The following PCNX2 variants were observed in gnomAD, a reference collection of about 807,000 sequenced individuals.
PCNX2 encodes the protein pecanex 2.
Under a neutral mutation model 223.8 loss-of-function variants are expected in PCNX2, and 168 were observed. The observed-to-expected ratio is 0.75, with a 90% CI of 0.66 to 0.85. PCNX2 has a LOEUF of 0.85. PCNX2 is among the 40% of genes least tolerant of loss of function. The pLI, the probability that PCNX2 is intolerant of heterozygous loss-of-function variation, is 0.00. For missense variants in PCNX2, 2,507 were observed against 2,675.5 expected (o/e 0.94, Z 1.39); for synonymous variants, 1,006 against 1,052.6 (o/e 0.96, Z 0.86).
intron 1 of PCNX2, among the ~76,000 whole-genome samples, chr1:233,275,800 G>A (rs1014687665): frequency 2.4e-4 from 36 of 151,976 alleles, no homozygotes; most frequent in African/African-American, 6.5e-4. Flanking sequence ...GTGAGGCCGA[G>A]GTGGGCGGAT....
At chr1:233,321,866 A>C in the PCNX2 span, among the ~76,000 whole-genome samples, 1 of 152,208 alleles carries the variant, frequency 6.6e-6, no homozygotes, top group Non-Finnish European at 1.5e-5. Context: ...TCATCAGTGC[A>C]AATGTCAACA....
At position 233,258,767 on chromosome 1, in the gene PCNX2, T is replaced by G. The variant is rs369108992; in HGVS notation, c.1095A>C (p.Gly365=). Reference sequence around the variant, plus strand: ...TGGGCTCATGTAGACTCAGTGGGTCTCCGGGTTGAGAAGTATCGATGAGAG... The same window carrying G: ...TGGGCTCATGTAGACTCAGTGGGTCGCCGGGTTGAGAAGTATCGATGAGAG... ...AVTLIDTSQP[G]DPLSLHEPIK... Residue 365 remains glycine (G), a synonymous_variant, in exon 5 of 34, where the codon GGA becomes GGC. Transcript: ENST00000258229. 1.2e-6 allele frequency: 2 copies of G among 1,613,870 alleles called. No homozygotes were observed. Among genetic ancestry groups the G allele is most frequent in the Admixed American group, 1.7e-5 (1 of 60,010 alleles).
chr1:233,163,079 C>T (rs1289240524), intron 17 of PCNX2, among the ~76,000 whole-genome samples: 1 of 152,136 alleles, frequency 6.6e-6, no homozygotes, highest in Non-Finnish European at 1.5e-5. Flanking sequence ...CAGACCATTA[C>T]ACAGCCTTTC....
At chr1:233,185,185 T>G (rs1680024708) in intron 15 of PCNX2, among the ~76,000 whole-genome samples, 1 of 151,748 alleles carries the variant, frequency 6.6e-6, no homozygotes, top group South Asian at 2.1e-4. Context: ...AGAGATTACT[T>G]GATTATCAAC....
intron 23 of PCNX2, among the ~76,000 whole-genome samples, chr1:233,066,982 C>G (rs1370820110): frequency 1.3e-5 from 2 of 152,012 alleles, no homozygotes; most frequent in African/African-American, 4.8e-5. Flanking sequence ...CAAGCAATAA[C>G]AAGAAACTTT....
At chr1:233,247,317 C>T (rs1341219555) in intron 8 of PCNX2, among the ~76,000 whole-genome samples, 1 of 152,226 alleles carries the variant, frequency 6.6e-6, no homozygotes, top group Non-Finnish European at 1.5e-5. Context: ...AATGCCACAA[C>T]ACCACATAAC....
At chr1:233,256,239 G>T (rs1286122330) in intron 5 of PCNX2, among the ~76,000 whole-genome samples, 2 of 152,160 alleles carry the variant, frequency 1.3e-5, no homozygotes, top group Admixed American at 6.6e-5. Flanking sequence ...CATACAGCCT[G>T]AGGGGAAAAC....
intron 14 of PCNX2, 53 bp from the exon 15 acceptor site, chr1:233,199,083 A>G: frequency 6.7e-7 from 1 of 1,484,206 alleles, no homozygotes; most frequent in Admixed American, 2.1e-5. Context: ...CTTAAAATCA[A>G]CAAATGTAAA....
At chr1:233,122,739 T>TCTTGAA (rs1267867644) in intron 21 of PCNX2, among the ~76,000 whole-genome samples, 23 of 152,190 alleles carry the variant, frequency 1.5e-4, no homozygotes, top group African/African-American at 4.6e-4. Flanking sequence ...GTCAGACCGG[T>TCTTGAA]CTTGAACTCC....
intron 7 of PCNX2, among the ~76,000 whole-genome samples, chr1:233,252,095 GTT>G (rs1659485952): frequency 6.6e-6 from 1 of 152,238 alleles, no homozygotes. Context: ...AGTCTGGGGA[GTT>G]CAGGAGAGGT....
intron 1 of PCNX2, among the ~76,000 whole-genome samples, chr1:233,273,393 C>T (rs1455054990): frequency 6.6e-6 from 1 of 151,920 alleles, no homozygotes; most frequent in Non-Finnish European, 1.5e-5. Flanking sequence ...AGAAGGGATC[C>T]CTGTGCAAGC....
chr1:233,239,223 AAGT>A (rs1398805556), intron 8 of PCNX2, among the ~76,000 whole-genome samples: 4 of 152,194 alleles, frequency 2.6e-5, no homozygotes, highest in African/African-American at 9.7e-5. Flanking sequence ...CTGTGCAAAA[AAGT>A]AGAAGGTGTA....
chr1:233,176,637 T>C (rs1363964800), intron 17 of PCNX2, among the ~76,000 whole-genome samples: 1 of 152,196 alleles, frequency 6.6e-6, no homozygotes. Context: ...GGACTGAATG[T>C]GATTCATGTG....
chr1:233,287,017 T>C (rs1661486795), intron 1 of PCNX2, among the ~76,000 whole-genome samples: 1 of 152,214 alleles, frequency 6.6e-6, no homozygotes. Flanking sequence ...AGCTGTGATG[T>C]GAAGTCATGG....
At chr1:233,023,883 G>A (rs532334563) in intron 26 of PCNX2, among the ~76,000 whole-genome samples, 4 of 152,274 alleles carry the variant, frequency 2.6e-5, no homozygotes, top group African/African-American at 7.2e-5. Flanking sequence ...TTATCCTTCT[G>A]ACTTTCACAG....
chr1:233,260,633 TA>T (rs1659995808), intron 4 of PCNX2, among the ~76,000 whole-genome samples: 1 of 152,184 alleles, frequency 6.6e-6, no homozygotes, highest in Non-Finnish European at 1.5e-5. Flanking sequence ...GCTATGGTGC[TA>T]ATTTCAGCTA....
At chr1:233,006,348 A>G (rs1014165946) in intron 28 of PCNX2, among the ~76,000 whole-genome samples, 1 of 152,166 alleles carries the variant, frequency 6.6e-6, no homozygotes, top group Non-Finnish European at 1.5e-5. Context: ...TTCATATGAC[A>G]TAGCTGGTGG....
At chr1:233,278,404 G>A (rs1346602046) in intron 1 of PCNX2, among the ~76,000 whole-genome samples, 1 of 152,180 alleles carries the variant, frequency 6.6e-6, no homozygotes, top group African/African-American at 2.4e-5. Context: ...CTCTTGAGAT[G>A]TAAAATGCTG....
chr1:233,136,708 T>C (rs1173784937), intron 20 of PCNX2, among the ~76,000 whole-genome samples: 2 of 151,994 alleles, frequency 1.3e-5, no homozygotes, highest in Non-Finnish European at 2.9e-5. Context: ...AGGATGAAAA[T>C]ACAGTATGAA....
Sources: gnomAD v4.1 joint callset for allele counts (sites outside exome capture counted in the v4.1 genomes callset) on GRCh38, gnomAD v4.1.1 for gene constraint, MANE v1.5 for transcripts, NCBI Gene and HGNC (gene_info 2026-07-23, HGNC 2026-07-21) for gene names.